Variants in ANKS1B observed in about 807,000 individuals in gnomAD.
The protein encoded by ANKS1B is ankyrin repeat and sterile alpha motif domain containing 1B.
In ANKS1B, 36 loss-of-function variants were observed where a neutral mutation model predicts 148.3. The ratio of observed to expected loss-of-function variants is 0.24; its 90% CI spans 0.19 to 0.32. The LOEUF (loss-of-function observed/expected upper bound fraction) is 0.32. Ranked by LOEUF, ANKS1B falls within the 10% of genes least tolerant of loss-of-function variation. The pLI is 1.00. For synonymous variants in ANKS1B, 542 were observed against 560.8 expected, an observed-to-expected ratio of 0.97 and a Z score of 0.47; for missense variants, 1,157 against 1,542.6, an observed-to-expected ratio of 0.75 and a Z score of 4.19.
chr12:99,362,602 CA>C (rs1392970413), intron 12 of ANKS1B, among the ~76,000 whole-genome samples: 1 of 151,986 alleles, frequency 6.6e-6, no homozygotes, highest in Non-Finnish European at 1.5e-5. Context: ...AGAAATTAAA[CA>C]AGAACTTGAA....
intron 8 of ANKS1B, chr12:99,772,648 C>CACA (rs767613785): frequency 1.2e-4 from 30 of 244,558 alleles, no homozygotes; most frequent in East Asian, 4.6e-4. Context: ...ACTAAAGGAA[C>CACA]ACAACAACAA....
At chr12:99,558,364 A>C (rs1397867149) in intron 9 of ANKS1B, among the ~76,000 whole-genome samples, 1 of 152,184 alleles carries the variant, frequency 6.6e-6, no homozygotes, top group Non-Finnish European at 1.5e-5. Flanking sequence ...CACTGGCAGC[A>C]GTGGGGCAGC....
intron 19 of ANKS1B, among the ~76,000 whole-genome samples, chr12:98,824,463 T>C (rs1025022645): frequency 4.6e-5 from 7 of 152,218 alleles, no homozygotes; most frequent in African/African-American, 1.2e-4. Context: ...TGACAGGTGA[T>C]GGGTCTGAAC....
intron 1 of ANKS1B, among the ~76,000 whole-genome samples, chr12:99,979,331 G>A (rs1034091897): frequency 1.3e-5 from 2 of 152,112 alleles, no homozygotes; most frequent in South Asian, 4.1e-4. Context: ...AGGTGTAACA[G>A]TTCACTAATT....
At chr12:99,505,353 A>G (rs1312390271) in intron 9 of ANKS1B, among the ~76,000 whole-genome samples, 1 of 151,978 alleles carries the variant, frequency 6.6e-6, no homozygotes, top group Non-Finnish European at 1.5e-5. Flanking sequence ...GCCATTGCTA[A>G]TTGGGTTTTC....
intron 17 of ANKS1B, among the ~76,000 whole-genome samples, chr12:98,881,701 T>C (rs2099708545): frequency 6.6e-6 from 1 of 152,166 alleles, no homozygotes. Context: ...TTTCTAATTG[T>C]AGACTAATCG....
intron 9 of ANKS1B, among the ~76,000 whole-genome samples, chr12:99,581,619 G>A (rs185695357): frequency 3.8e-3 from 578 of 152,198 alleles, no homozygotes; most frequent in African/African-American, 0.013. Context: ...GGCCGGGCGC[G>A]GTGGCTCACG....
intron 25 of ANKS1B, among the ~76,000 whole-genome samples, chr12:98,760,730 C>T (rs1317614103): frequency 6.6e-6 from 1 of 152,200 alleles, no homozygotes; most frequent in Non-Finnish European, 1.5e-5. Context: ...TTCCTTTAAG[C>T]TGCAACCCTA....
At chr12:99,678,789 A>T (rs943620379) in intron 8 of ANKS1B, among the ~76,000 whole-genome samples, 1 of 152,218 alleles carries the variant, frequency 6.6e-6, no homozygotes, top group Non-Finnish European at 1.5e-5. Flanking sequence ...GACAGATCCC[A>T]TGTCCAATAA....
intron 25 of ANKS1B, among the ~76,000 whole-genome samples, chr12:98,764,760 G>A (rs1237120820): frequency 1.3e-5 from 2 of 152,280 alleles, no homozygotes; most frequent in Admixed American, 1.3e-4. Context: ...AACCGACCAC[G>A]TGTTCACTCA....
chr12:99,625,360 C>G (rs2098101513), intron 9 of ANKS1B, among the ~76,000 whole-genome samples: 1 of 152,072 alleles, frequency 6.6e-6, no homozygotes, highest in African/African-American at 2.4e-5. Context: ...TGTAGCAAAT[C>G]TGCACATGTA....
intron 1 of ANKS1B, among the ~76,000 whole-genome samples, chr12:99,894,289 A>AAGGAAGGGAGGG (rs1421411161): frequency 2.0e-4 from 9 of 45,822 alleles, no homozygotes; most frequent in Admixed American, 2.3e-4. Flanking sequence ...GGAAGGAAGG[A>AAGGAAGGGAGGG]AGGGAGGGAG....
At chr12:99,227,484 C>T (rs1443867392) in intron 14 of ANKS1B, among the ~76,000 whole-genome samples, 1 of 152,094 alleles carries the variant, frequency 6.6e-6, no homozygotes, top group Non-Finnish European at 1.5e-5. Flanking sequence ...GGGATGTTTA[C>T]ATTTTAGTGT....
intron 17 of ANKS1B, among the ~76,000 whole-genome samples, chr12:98,910,998 T>C (rs2099786036): frequency 6.6e-6 from 1 of 152,178 alleles, no homozygotes; most frequent in South Asian, 2.1e-4. Context: ...TTTATGGAGA[T>C]GTCTGCACGG....
At chr12:99,318,240 G>A (rs1457564198) in intron 12 of ANKS1B, among the ~76,000 whole-genome samples, 1 of 152,180 alleles carries the variant, frequency 6.6e-6, no homozygotes, top group Admixed American at 6.5e-5. Context: ...AGAAGGAATG[G>A]TACCAGCTCC....
intron 9 of ANKS1B, among the ~76,000 whole-genome samples, chr12:99,517,921 GT>G (rs1269245693): frequency 1.3e-5 from 2 of 152,002 alleles, no homozygotes; most frequent in African/African-American, 4.8e-5. Flanking sequence ...AAGGTTTTCT[GT>G]GATGAAAGGA....
chr12:99,328,322 G>A (rs185182449), intron 12 of ANKS1B, among the ~76,000 whole-genome samples: 5 of 151,898 alleles, frequency 3.3e-5, no homozygotes, highest in Non-Finnish European at 7.4e-5. Flanking sequence ...ATCTAACGGG[G>A]TGAGCAAAAC....
rs1325276944 is a variant in ANKS1B at position 98,962,798 on chromosome 12, G to C, written c.2778+90359C>G. 4.6e-5 allele frequency among the ~76,000 whole-genome samples: 7 copies of C among 152,108 alleles called. No homozygotes were observed. In the East Asian group the frequency reaches 1.3e-3, roughly 29 times the overall value. ...TAAATCAGTATCAAGAGGAATTTTG[G>C]AAAATATAAAAACACACGGAAATTA... On this transcript the variant is annotated intron_variant, in intron 17 of 26. Coordinates refer to ENST00000683438, the MANE Select transcript of ANKS1B (RefSeq NM_001352186.2).
chr12:99,191,672 C>T (rs983967320), intron 14 of ANKS1B, among the ~76,000 whole-genome samples: 1 of 152,108 alleles, frequency 6.6e-6, no homozygotes, highest in Admixed American at 6.5e-5. Context: ...GGGAGGGGAA[C>T]ATCACACACT....
Sources: allele counts gnomAD v4.1 joint callset (sites outside exome capture counted in the v4.1 genomes callset), GRCh38; gene constraint gnomAD v4.1.1; transcripts MANE v1.5; gene names NCBI Gene and HGNC (gene_info 2026-07-23, HGNC 2026-07-21).